The following ZHX2 variants were observed in gnomAD, a reference collection of about 807,000 sequenced individuals.
ZHX2 encodes the protein zinc fingers and homeoboxes protein 2.
ZHX2 carries 6 observed loss-of-function variants against 21.9 expected under a neutral mutation model. That is an observed-to-expected ratio of 0.27 (90% CI 0.15 to 0.54). The LOEUF is 0.54. ZHX2 is among the 20% of genes least tolerant of loss of function. ZHX2 has a pLI of 0.95. For synonymous variants in ZHX2, 434 were observed against 437.1 expected (o/e 0.99, Z 0.09); for missense variants, 908 against 1,090.7 (o/e 0.83, Z 2.36).
At chr8:122,863,092 C>T (rs948854946) in intron 1 of ZHX2, among the ~76,000 whole-genome samples, 1 of 152,028 alleles carries the variant, frequency 6.6e-6, no homozygotes, top group Non-Finnish European at 1.5e-5. Flanking sequence ...CCCCCTTCGC[C>T]CTCACCAAAA....
At chr8:122,895,764 C>T (rs914603385) in intron 2 of ZHX2, among the ~76,000 whole-genome samples, 25 of 151,702 alleles carry the variant, frequency 1.6e-4, no homozygotes, top group East Asian at 5.8e-4. Flanking sequence ...AAAAAGCTCT[C>T]GCCAAGATAA....
intron 2 of ZHX2, among the ~76,000 whole-genome samples, chr8:122,936,414 C>T (rs1812692752): frequency 6.6e-6 from 1 of 152,144 alleles, no homozygotes; most frequent in Admixed American, 6.5e-5. Flanking sequence ...CCACTCATGT[C>T]CTGAGATTCT....
At chr8:122,922,859 AG>A (rs1299307428) in intron 2 of ZHX2, among the ~76,000 whole-genome samples, 1 of 151,542 alleles carries the variant, frequency 6.6e-6, no homozygotes, top group Non-Finnish European at 1.5e-5. Context: ...TGGCCAGCAT[AG>A]AGCTGTTAGT....
At chr8:122,808,704 A>G (rs778777912) in intron 1 of ZHX2, 7 of 152,226 alleles carry the variant, frequency 4.6e-5, no homozygotes, top group Non-Finnish European at 1.0e-4. Context: ...CATGTAATTC[A>G]TTATTTATAA....
intron 2 of ZHX2, among the ~76,000 whole-genome samples, chr8:122,949,486 T>C (rs1398961196): frequency 6.6e-6 from 1 of 152,100 alleles, no homozygotes; most frequent in Non-Finnish European, 1.5e-5. Context: ...AGAATATAAA[T>C]AGTGGGCAAA....
chr8:122,933,834 G>A (rs1812610013), intron 2 of ZHX2, among the ~76,000 whole-genome samples: 1 of 152,112 alleles, frequency 6.6e-6, no homozygotes, highest in Non-Finnish European at 1.5e-5. Context: ...GATCAAATTA[G>A]CCTCATTATC....
intron 2 of ZHX2, among the ~76,000 whole-genome samples, chr8:122,895,566 C>A (rs908799130): frequency 6.6e-6 from 1 of 152,098 alleles, no homozygotes; most frequent in Non-Finnish European, 1.5e-5. Flanking sequence ...TTTGTTGTTT[C>A]ATTGTTCTTC....
chr8:122,916,857 A>C (rs1317052783), intron 2 of ZHX2, among the ~76,000 whole-genome samples: 1 of 151,776 alleles, frequency 6.6e-6, no homozygotes, highest in African/African-American at 2.4e-5. Flanking sequence ...GTCTCCTGCC[A>C]CTGTCTCCTG....
chr8:122,880,032 G>C (rs1819672040), intron 2 of ZHX2, among the ~76,000 whole-genome samples: 1 of 149,694 alleles, frequency 6.7e-6, no homozygotes, highest in African/African-American at 2.5e-5. Context: ...GAGTACAGTG[G>C]TGCAATCTCA....
chr8:122,932,672 G>A (rs1821021912), intron 2 of ZHX2, among the ~76,000 whole-genome samples: 3 of 152,142 alleles, frequency 2.0e-5, no homozygotes, highest in Admixed American at 2.0e-4. Context: ...GATACTTGTG[G>A]TTACATTTAG....
rs997312486 is a variant in ZHX2, at chr8:122,971,591, C to G, written c.*5-1651C>G. ...TGCCTCTGGCTGAGAAGTCCACTCTCCTTGCTGTTGGCCCCTGTACAAAAA... is the reference window on the plus strand; with the variant it reads ...TGCCTCTGGCTGAGAAGTCCACTCTGCTTGCTGTTGGCCCCTGTACAAAAA... On this transcript the variant is annotated intron_variant, in intron 3 of 3. Coordinates refer to ENST00000314393, the MANE Select transcript of ZHX2 (RefSeq NM_014943.5). Among the ~76,000 whole-genome samples, 19 of 108,434 alleles carry G rather than the reference C, an allele frequency of 1.8e-4. No individual in the cohort carries two copies. In the Admixed American group the frequency reaches 2.4e-3, roughly 14 times the overall value. 71.1% of individuals were successfully genotyped at this position (108,434 alleles called of 152,430 possible).
chr8:122,869,153 T>G (rs1247218060), intron 2 of ZHX2, among the ~76,000 whole-genome samples: 1 of 152,148 alleles, frequency 6.6e-6, no homozygotes, highest in Non-Finnish European at 1.5e-5. Flanking sequence ...CTCCACAGCC[T>G]GTGCTCTGCC....
intron 1 of ZHX2, among the ~76,000 whole-genome samples, chr8:122,784,591 C>G (rs1348852206): frequency 6.6e-6 from 1 of 152,152 alleles, no homozygotes; most frequent in African/African-American, 2.4e-5. Context: ...GGATTTTATT[C>G]CTTTATTCAT....
At chr8:122,866,541 C>T (rs1312820573) in intron 2 of ZHX2, among the ~76,000 whole-genome samples, 2 of 152,166 alleles carry the variant, frequency 1.3e-5, no homozygotes, top group Admixed American at 6.5e-5. Context: ...ACAAACACAG[C>T]GCCTGTGCCT....
intron 1 of ZHX2, among the ~76,000 whole-genome samples, chr8:122,819,287 T>G (rs1427565428): frequency 6.6e-6 from 1 of 152,084 alleles, no homozygotes; most frequent in African/African-American, 2.4e-5. Context: ...CACCTCTGTT[T>G]CCTCACCTAC....
chr8:122,862,154 C>CA (rs1467566192), intron 1 of ZHX2, among the ~76,000 whole-genome samples: 7 of 152,174 alleles, frequency 4.6e-5, no homozygotes, highest in African/African-American at 1.7e-4. Flanking sequence ...GGCCACCACT[C>CA]ACTTCCAGGA....
intron 3 of ZHX2, among the ~76,000 whole-genome samples, chr8:122,959,262 C>T (rs1207752695): frequency 6.6e-6 from 1 of 152,172 alleles, no homozygotes; most frequent in Non-Finnish European, 1.5e-5. Flanking sequence ...AGGTATTTTC[C>T]ATGGTTCGGC....
At chr8:122,906,302 T>C (rs1256070676) in intron 2 of ZHX2, among the ~76,000 whole-genome samples, 1 of 152,250 alleles carries the variant, frequency 6.6e-6, no homozygotes, top group Non-Finnish European at 1.5e-5. Flanking sequence ...CTCAAGGATC[T>C]ATTACATTTA....
At chr8:122,843,887 A>ACG (rs1428334031) in intron 1 of ZHX2, among the ~76,000 whole-genome samples, 1 of 81,164 alleles carries the variant, frequency 1.2e-5, no homozygotes, top group African/African-American at 7.4e-5. Context: ...GAAGTATAAA[A>ACG]CACAGTAATT....
Sources: gnomAD v4.1 joint callset for allele counts (sites outside exome capture counted in the v4.1 genomes callset) on GRCh38, gnomAD v4.1.1 for gene constraint, MANE v1.5 for transcripts, NCBI Gene and HGNC (gene_info 2026-07-23, HGNC 2026-07-21) for gene names.